The following PCNX2 variants were observed in gnomAD, a reference collection of about 807,000 sequenced individuals.
PCNX2 encodes pecanex-like protein 2.
A neutral mutation model predicts 223.8 loss-of-function variants in PCNX2; 168 were observed. The ratio of observed to expected loss-of-function variants is 0.75; its 90% confidence interval spans 0.66 to 0.85. The LOEUF is 0.85. PCNX2 is among the 40% of genes least tolerant of loss of function. PCNX2 has a pLI of 0.00. For missense variants in PCNX2, 2,507 were observed against 2,675.5 expected (o/e 0.94, Z 1.39); for synonymous variants, 1,006 against 1,052.6 (o/e 0.96, Z 0.86).
intron 23 of PCNX2, among the ~76,000 whole-genome samples, chr1:233,073,045 C>T (rs1249724390): frequency 2.0e-5 from 3 of 152,074 alleles, no homozygotes; most frequent in African/African-American, 7.2e-5. Context: ...TAAAAAATTA[C>T]TGATTAATTC....
chr1:233,194,881 G>A (rs1273279129), intron 15 of PCNX2, among the ~76,000 whole-genome samples: 1 of 151,954 alleles, frequency 6.6e-6, no homozygotes, highest in Non-Finnish European at 1.5e-5. Context: ...ACTGGGCGTG[G>A]TGGTGGGCTC....
intron 21 of PCNX2, among the ~76,000 whole-genome samples, chr1:233,098,275 C>T (rs1284337023): frequency 6.6e-6 from 1 of 152,224 alleles, no homozygotes; most frequent in Non-Finnish European, 1.5e-5. Context: ...TATAATCAGA[C>T]TGGCTGCCCC....
intron 1 of PCNX2, among the ~76,000 whole-genome samples, chr1:233,267,963 G>A (rs1208277634): frequency 2.6e-5 from 4 of 152,110 alleles, no homozygotes; most frequent in African/African-American, 9.7e-5. Context: ...TCAGGCTGGA[G>A]TGCAGTGGCA....
intron 19 of PCNX2, among the ~76,000 whole-genome samples, chr1:233,155,950 A>T (rs995337082): frequency 6.6e-6 from 1 of 152,304 alleles, no homozygotes; most frequent in African/African-American, 2.4e-5. Context: ...GTTCAGCATG[A>T]TTAACTTAGC....
At position 233,090,090 on chromosome 1, in the gene PCNX2, C is replaced by T; in HGVS notation, c.4047G>A (p.Arg1349=). 1 of 1,613,850 alleles carries T rather than the reference C, an allele frequency of 6.2e-7. No homozygotes were observed. Among genetic ancestry groups the T allele is most frequent in the Non-Finnish European group, 8.5e-7 (1 of 1,179,860 alleles). ...GSVIFITSYV[R]PVKFWEKNYN... ...AGTTTTTCTCCCAGAATTTCACTGG[C>T]CTGACATATGATGTGATGAAAATGA... The change falls in exon 23 of 34, where the codon AGG becomes AGA. Residue 1349 remains arginine, a synonymous_variant. Transcript: ENST00000258229.
At chr1:233,127,290 C>T (rs1676159636) in intron 21 of PCNX2, among the ~76,000 whole-genome samples, 1 of 152,156 alleles carries the variant, frequency 6.6e-6, no homozygotes, top group Non-Finnish European at 1.5e-5. Context: ...ACCATCCACT[C>T]CCCTTTCCAG....
intron 18 of PCNX2, among the ~76,000 whole-genome samples, chr1:233,160,803 G>C (rs1163798622): frequency 6.6e-6 from 1 of 152,190 alleles, no homozygotes. Context: ...GAAAGCAACT[G>C]TCTGGAAGGA....
chr1:233,015,803 G>A (rs1194599733), intron 27 of PCNX2, among the ~76,000 whole-genome samples: 1 of 152,006 alleles, frequency 6.6e-6, no homozygotes, highest in Non-Finnish European at 1.5e-5. Flanking sequence ...GATCCTAGGA[G>A]TTTGAGGCTG....
intron 32 of PCNX2, among the ~76,000 whole-genome samples, chr1:232,994,172 C>T (rs898702520): frequency 2.0e-5 from 3 of 152,214 alleles, no homozygotes; most frequent in Non-Finnish European, 2.9e-5. Context: ...TTGCACTGTG[C>T]ACCTGGAAAA....
At chr1:233,266,522 A>C (rs1352911217) in intron 1 of PCNX2, among the ~76,000 whole-genome samples, 1 of 152,158 alleles carries the variant, frequency 6.6e-6, no homozygotes, top group African/African-American at 2.4e-5. Flanking sequence ...TGCAGACATC[A>C]TCATACTCAG....
At chr1:233,308,763 C>G in the PCNX2 span, among the ~76,000 whole-genome samples, 1 of 152,002 alleles carries the variant, frequency 6.6e-6, no homozygotes, top group Admixed American at 6.6e-5. Context: ...AAACTATAAT[C>G]CTTCCAAATT....
chr1:233,152,013 G>A (rs1291739785), intron 19 of PCNX2, among the ~76,000 whole-genome samples: 1 of 152,186 alleles, frequency 6.6e-6, no homozygotes, highest in Non-Finnish European at 1.5e-5. Flanking sequence ...GTGTAACTTG[G>A]CTTCACTGCC....
At chr1:233,265,627 C>T (rs1362167497) in intron 1 of PCNX2, among the ~76,000 whole-genome samples, 5 of 152,136 alleles carry the variant, frequency 3.3e-5, no homozygotes, top group Non-Finnish European at 7.3e-5. Context: ...GAGCCCATAA[C>T]GGAATAAGTA....
chr1:233,030,035 A>G (rs774240600), intron 25 of PCNX2, among the ~76,000 whole-genome samples: 2 of 152,096 alleles, frequency 1.3e-5, no homozygotes, highest in Non-Finnish European at 2.9e-5. Context: ...TTCCACCCCT[A>G]TTTCACACTT....
intron 19 of PCNX2, among the ~76,000 whole-genome samples, chr1:233,156,584 T>C (rs531775840): frequency 4.0e-4 from 61 of 151,968 alleles, no homozygotes; most frequent in African/African-American, 1.4e-3. Context: ...CTATTCAGGT[T>C]TAGGTGGTCG....
At chr1:233,185,868 T>C (rs530647764) in intron 15 of PCNX2, among the ~76,000 whole-genome samples, 1 of 152,336 alleles carries the variant, frequency 6.6e-6, no homozygotes, top group South Asian at 2.1e-4. Context: ...TAAGGATTGA[T>C]GAGTGCTGGT....
intron 1 of PCNX2, among the ~76,000 whole-genome samples, chr1:233,272,404 G>A (rs376247385): frequency 1.3e-5 from 2 of 151,846 alleles, no homozygotes; most frequent in African/African-American, 2.4e-5. Flanking sequence ...GCTCAACATC[G>A]CTAATGATCA....
At chr1:233,220,059 CCTTT>C (rs773407819) in intron 10 of PCNX2, among the ~76,000 whole-genome samples, 2 of 152,300 alleles carry the variant, frequency 1.3e-5, no homozygotes, top group Non-Finnish European at 2.9e-5. Context: ...CATATTGGCT[CCTTT>C]CTTTAAGTAC....
At chr1:232,999,884 T>G (rs1374190526) in intron 30 of PCNX2, among the ~76,000 whole-genome samples, 2 of 152,228 alleles carry the variant, frequency 1.3e-5, no homozygotes, top group African/African-American at 4.8e-5. Flanking sequence ...AAAGTAGTTT[T>G]TGTTTTCACT....
Sources: gnomAD v4.1 joint callset for allele counts (sites outside exome capture counted in the v4.1 genomes callset) on GRCh38, gnomAD v4.1.1 for gene constraint, MANE v1.5 for transcripts, NCBI Gene and HGNC (gene_info 2026-07-23, HGNC 2026-07-21) for gene names.